The following WASHC4 variants were observed in gnomAD, a reference collection of about 807,000 sequenced individuals.
WASHC4 encodes WASH complex subunit 4, also known as WASH complex subunit 7.
In WASHC4, 86 loss-of-function variants were observed where a neutral mutation model predicts 166.6. That is an observed-to-expected ratio of 0.52 (90% CI 0.43 to 0.62). WASHC4 has a LOEUF of 0.62. Ranked by LOEUF, WASHC4 falls within the 20% of genes least tolerant of loss-of-function variation. The pLI is 0.00. For missense variants in WASHC4, 1,262 were observed against 1,382.4 expected (o/e 0.91, Z 1.38); for synonymous variants, 446 against 451.6 (o/e 0.99, Z 0.16).
chr12:105,107,753 T>C lies in WASHC4; in HGVS notation c.-48T>C. 4.2e-6 allele frequency: 6 copies of C among 1,441,330 alleles called. No individual in the cohort carries two copies. The highest frequency in any genetic ancestry group is 4.8e-6 in the Non-Finnish European group (5 of 1,050,558). 89.3% of individuals were successfully genotyped at this position (1,441,330 alleles called of 1,614,324 possible). On this transcript the variant is annotated 5_prime_UTR_variant, in exon 1 of 33. Coordinates refer to ENST00000332180, the MANE Select transcript of WASHC4 (RefSeq NM_015275.3). ...GACAGTAGCTGGGGTGAGGCCGTCG[T>C]CGCCGCACGGGCTGGTTGGGGCTGT...
At chr12:105,113,499 G>A (rs184331964) in intron 2 of WASHC4, among the ~76,000 whole-genome samples, 94 of 151,910 alleles carry the variant, frequency 6.2e-4, no homozygotes, top group Admixed American at 3.6e-3. Context: ...TTCTATTATT[G>A]GGCAGTTATT....
intron 8 of WASHC4, among the ~76,000 whole-genome samples, 191 bp downstream of exon 8, chr12:105,120,788 A>G (rs992273852): frequency 1.3e-5 from 2 of 152,094 alleles, no homozygotes; most frequent in Non-Finnish European, 2.9e-5. Flanking sequence ...GACCATTATC[A>G]GTGTAACTTA....
chr12:105,118,060 A>T (rs563873935), intron 6 of WASHC4, among the ~76,000 whole-genome samples: 4 of 152,270 alleles, frequency 2.6e-5, no homozygotes, highest in African/African-American at 9.6e-5. Context: ...TCCTTCACTC[A>T]CTCAGATGTT....
At chr12:105,141,305 T>A in intron 18 of WASHC4, 59 bp downstream of exon 18, 1 of 1,182,714 alleles carries the variant, frequency 8.5e-7, no homozygotes, top group African/African-American at 1.5e-5. Context: ...GAAACATTGA[T>A]TTTCTTTTTA....
chr12:105,120,276 C>A (rs955608169), intron 7 of WASHC4, among the ~76,000 whole-genome samples: 8 of 152,124 alleles, frequency 5.3e-5, no homozygotes, highest in African/African-American at 1.9e-4. Context: ...CATCATAGCC[C>A]TACCCATGAG....
intron 14 of WASHC4, among the ~76,000 whole-genome samples, chr12:105,136,111 C>A (rs564344004): frequency 1.3e-4 from 20 of 152,180 alleles, no homozygotes; most frequent in African/African-American, 4.3e-4. Context: ...GGATTTTGAT[C>A]CTGTGATGGT....
intron 6 of WASHC4, 62 bp from the exon 7 acceptor site, chr12:105,118,384 C>T: frequency 2.6e-6 from 3 of 1,153,200 alleles, no homozygotes; most frequent in Non-Finnish European, 3.9e-6. Flanking sequence ...CCATAAAATT[C>T]AGTAAAAAAT....
In WASHC4 at chr12:105,127,266, A is replaced by G. The variant is rs374270924; in HGVS notation, c.1176A>G (p.Gln392=). ...AIKIHRDTFL[Q]QKAQSLTKDV... is the part of the protein sequence containing the mutation. ...AAATACACAGGGATACTTTTCTACA[A>G]CAGAAAGCTCAATCACTTACCAAGT... The change falls in exon 13 of 33, where the codon CAA becomes CAG. Residue 392 remains glutamine (Q), a synonymous_variant. Transcript: ENST00000332180. 1.2e-6 allele frequency: 2 copies of G among 1,611,332 alleles called. No homozygotes were observed. Among genetic ancestry groups the G allele is most frequent in the Non-Finnish European group, 1.7e-6 (2 of 1,177,578 alleles).
intron 21 of WASHC4, 40 bp from the exon 22 acceptor site, chr12:105,144,678 T>C (rs747524377): frequency 6.4e-7 from 1 of 1,570,876 alleles, no homozygotes; most frequent in Non-Finnish European, 8.7e-7. Context: ...TTCTTTTCCT[T>C]TTCTACTGTT....
chr12:105,154,780 G>A (rs1884020297), intron 26 of WASHC4, among the ~76,000 whole-genome samples: 2 of 152,168 alleles, frequency 1.3e-5, no homozygotes, highest in African/African-American at 4.8e-5. Flanking sequence ...TGGCTTCAGA[G>A]CTTTTACTCT....
At chr12:105,112,923 C>T (rs1415869433) in intron 2 of WASHC4, among the ~76,000 whole-genome samples, 1 of 152,156 alleles carries the variant, frequency 6.6e-6, no homozygotes, top group Non-Finnish European at 1.5e-5. Flanking sequence ...TATCAGGCAG[C>T]TTGACTCCAG....
At chr12:105,153,448 C>A (rs147978450) in intron 26 of WASHC4, among the ~76,000 whole-genome samples, 2 of 152,230 alleles carry the variant, frequency 1.3e-5, no homozygotes, top group Admixed American at 6.5e-5. Context: ...GAGGATTTTA[C>A]CTTTGTAAAT....
At chr12:105,134,144 A>C (rs1882105630) in intron 14 of WASHC4, among the ~76,000 whole-genome samples, 1 of 152,098 alleles carries the variant, frequency 6.6e-6, no homozygotes, top group South Asian at 2.1e-4. Context: ...TTTTACTGTC[A>C]TTTATTTCAA....
intron 26 of WASHC4, 157 bp from the exon 27 acceptor site, chr12:105,156,569 G>C: frequency 1.9e-6 from 1 of 535,700 alleles, no homozygotes. Context: ...ATATGTAACA[G>C]TTTTACTTTT....
chr12:105,118,716 C>T (rs373953718), intron 7 of WASHC4, among the ~76,000 whole-genome samples, 188 bp downstream of exon 7: 3 of 152,226 alleles, frequency 2.0e-5, no homozygotes, highest in African/African-American at 4.8e-5. Context: ...GTGAGCGAAC[C>T]CATTATCTGT....
rs570489128 is a variant in WASHC4, at chr12:105,116,436, G to T, written c.435+708G>T. 9.9e-5 allele frequency among the ~76,000 whole-genome samples: 15 copies of T among 152,228 alleles called. No individual in the cohort carries two copies. The South Asian group carries it at 3.1e-3, about 32-fold the overall frequency. Reference sequence around the variant, plus strand: ...GAGCATTTTGTTCATATTGTGATATGTGTTATTCAGGGTCCTGTCTAGAAA... The same window carrying T: ...GAGCATTTTGTTCATATTGTGATATTTGTTATTCAGGGTCCTGTCTAGAAA... On this transcript the variant is annotated intron_variant, in intron 6 of 32. Transcript: ENST00000332180.
In WASHC4 at chr12:105,126,236, A is replaced by C; in HGVS notation, c.912A>C (p.Gly304=). 1 of 1,612,740 alleles carries C rather than the reference A, an allele frequency of 6.2e-7. No individual in the cohort carries two copies. Among genetic ancestry groups the C allele is most frequent in the Non-Finnish European group, 8.5e-7 (1 of 1,179,094 alleles). ...SIFANVEAKL[G]EPSEIDQRDK... ...TCTCTTATGTTATTGATTTGTAAGG[A>C]GAACCTTCTGAAATTGACCAGAGAG... The change falls in exon 12 of 33, where the codon GGA becomes GGC. Residue 304 remains glycine, a splice_region_variant and synonymous_variant. Coordinates refer to ENST00000332180, the MANE Select transcript of WASHC4 (RefSeq NM_015275.3).
At chr12:105,137,782 A>G in intron 14 of WASHC4, 104 bp from the exon 15 acceptor site, 1 of 940,104 alleles carries the variant, frequency 1.1e-6, no homozygotes, top group Non-Finnish European at 1.7e-6. Flanking sequence ...TGAACTTTAG[A>G]AACATTAGTT....
At position 105,141,578 on chromosome 12, in the gene WASHC4, A is replaced by G. The variant is rs895132454; in HGVS notation, c.1787+332A>G. On this transcript the variant is annotated intron_variant, in intron 18 of 32. Transcript: ENST00000332180. ...GCTGTATTATAACAGGGCTTCCTCTATTTGTGTGAGACTTAGCAATCCATG... is the reference window on the plus strand; with the variant it reads ...GCTGTATTATAACAGGGCTTCCTCTGTTTGTGTGAGACTTAGCAATCCATG... 5.9e-5 allele frequency among the ~76,000 whole-genome samples: 9 copies of G among 152,308 alleles called. No homozygotes were observed. The East Asian group carries it at 9.6e-4, about 16-fold the overall frequency.
Sources: allele counts gnomAD v4.1 joint callset (sites outside exome capture counted in the v4.1 genomes callset), GRCh38; gene constraint gnomAD v4.1.1; transcripts MANE v1.5; gene names NCBI Gene and HGNC (gene_info 2026-07-23, HGNC 2026-07-21).